Variants in KIF16B observed in about 807,000 individuals in gnomAD.
KIF16B encodes the protein kinesin family member 16B, also known as kinesin-like protein KIF16B.
KIF16B carries 98 observed loss-of-function variants against 156.3 expected under a neutral mutation model. The ratio of observed to expected loss-of-function variants is 0.63; its 90% CI spans 0.53 to 0.74. KIF16B has a LOEUF of 0.74. KIF16B is among the 30% of genes least tolerant of loss of function. KIF16B has a pLI of 0.00. For missense variants in KIF16B, 1,421 were observed against 1,606.5 expected, an observed-to-expected ratio of 0.88 and a Z score of 1.97; for synonymous variants, 564 against 583.7, an observed-to-expected ratio of 0.97 and a Z score of 0.49.
At chr20:16,273,582 T>C (rs543873969) in intron 25 of KIF16B, among the ~76,000 whole-genome samples, 171 bp from the exon 26 acceptor site, 6 of 152,120 alleles carry the variant, frequency 3.9e-5, no homozygotes, top group Non-Finnish European at 8.8e-5. Context: ...GAGGATCACT[T>C]GAGCCCAGGA....
intron 20 of KIF16B, among the ~76,000 whole-genome samples, chr20:16,372,978 G>A (rs566669017): frequency 6.6e-6 from 1 of 152,258 alleles, no homozygotes; most frequent in African/African-American, 2.4e-5. Context: ...GATTATAGGC[G>A]TCAGCCACCA....
intron 1 of KIF16B, among the ~76,000 whole-genome samples, chr20:16,543,064 G>C (rs1392896469): frequency 6.6e-6 from 1 of 152,116 alleles, no homozygotes; most frequent in East Asian, 1.9e-4. Flanking sequence ...CCCAAACCCG[G>C]ACCTACCAAG....
intron 25 of KIF16B, among the ~76,000 whole-genome samples, chr20:16,310,817 T>G (rs1480507443): frequency 6.6e-6 from 1 of 152,220 alleles, no homozygotes; most frequent in Non-Finnish European, 1.5e-5. Flanking sequence ...TCTTCAGATG[T>G]GTAACTCTGT....
intron 24 of KIF16B, among the ~76,000 whole-genome samples, chr20:16,325,876 T>A (rs1466865214): frequency 6.6e-6 from 1 of 152,146 alleles, no homozygotes; most frequent in East Asian, 1.9e-4. Context: ...TCTAGAGGTG[T>A]CACTTTACCC....
intron 1 of KIF16B, among the ~76,000 whole-genome samples, chr20:16,572,492 CT>C (rs1362839191): frequency 2.6e-5 from 4 of 152,198 alleles, no homozygotes; most frequent in African/African-American, 9.7e-5. Flanking sequence ...TAAAAAGTAA[CT>C]TTTCCAAAGA....
intron 23 of KIF16B, among the ~76,000 whole-genome samples, chr20:16,355,549 C>G (rs1368515959): frequency 6.6e-6 from 1 of 152,080 alleles, no homozygotes; most frequent in Non-Finnish European, 1.5e-5. Context: ...CACTGGTGAT[C>G]CTAGTGGACT....
chr20:16,353,299 C>T (rs916854748), intron 23 of KIF16B, among the ~76,000 whole-genome samples: 3 of 152,042 alleles, frequency 2.0e-5, no homozygotes, highest in African/African-American at 7.2e-5. Flanking sequence ...GTCCAAATGA[C>T]TGAGAGAAAA....
rs76902126 is a variant in KIF16B, at chr20:16,561,671, T to A, written c.47+11558A>T. On this transcript the variant is annotated intron_variant, in intron 1 of 25. Transcript: ENST00000354981. Reference sequence around the variant, plus strand: ...TGCAGATACCACCTTAACCACGTAATCAAGGTCAACATCACCAGTAGTAAG... The same window carrying A: ...TGCAGATACCACCTTAACCACGTAAACAAGGTCAACATCACCAGTAGTAAG... Among the ~76,000 whole-genome samples, 694 of 152,174 alleles carry A rather than the reference T, an allele frequency of 4.6e-3. 5 individuals are homozygous for A. The highest frequency in any genetic ancestry group is 0.016 in the African/African-American group (644 of 41,514).
intron 1 of KIF16B, among the ~76,000 whole-genome samples, chr20:16,568,319 A>G (rs142932842): frequency 3.3e-5 from 5 of 152,332 alleles, no homozygotes; most frequent in African/African-American, 9.6e-5. Context: ...ATAGCTATAA[A>G]GCTGGCACAT....
At chr20:16,372,946 G>A (rs886384154) in intron 20 of KIF16B, among the ~76,000 whole-genome samples, 30 of 152,264 alleles carry the variant, frequency 2.0e-4, no homozygotes, top group Admixed American at 1.9e-3. Flanking sequence ...GATCTGCCTG[G>A]CTCGGCCTCT....
rs544137349 is a variant in KIF16B, at chr20:16,403,604, C to T, written c.1784+1209G>A. ...AAATCCTGGAAAGCGGGGGTGGGGG[C>T]GCCCAGGAGTCCACAGCCACAGTGC... On this transcript the variant is annotated intron_variant, in intron 17 of 25. Coordinates refer to ENST00000354981, the MANE Select transcript of KIF16B (RefSeq NM_024704.5). 4.6e-5 allele frequency among the ~76,000 whole-genome samples: 7 copies of T among 152,242 alleles called. No individual in the cohort carries two copies. In the East Asian group the frequency reaches 9.7e-4, roughly 21 times the overall value.
chr20:16,281,159 A>C (rs1433201722), intron 25 of KIF16B, among the ~76,000 whole-genome samples: 1 of 152,162 alleles, frequency 6.6e-6, no homozygotes, highest in African/African-American at 2.4e-5. Context: ...TAAATCTATA[A>C]TTTAATTTAA....
chr20:16,382,657 T>C (rs761351334), intron 17 of KIF16B, among the ~76,000 whole-genome samples: 1 of 152,212 alleles, frequency 6.6e-6, no homozygotes, highest in African/African-American at 2.4e-5. Flanking sequence ...TCGCAAAGTT[T>C]CACTATTCTT....
At chr20:16,417,269 G>C (rs527580533) in intron 15 of KIF16B, among the ~76,000 whole-genome samples, 1 of 152,226 alleles carries the variant, frequency 6.6e-6, no homozygotes, top group South Asian at 2.1e-4. Context: ...TTTGAGAACT[G>C]AACTAAGCGA....
At chr20:16,356,567 A>T in intron 22 of KIF16B, 115 bp from the exon 23 acceptor site, 2 of 1,125,384 alleles carry the variant, frequency 1.8e-6, no homozygotes, top group East Asian at 2.5e-5. Flanking sequence ...AAGAGCATCA[A>T]ACCAGTAGGG....
At chr20:16,415,777 G>T (rs1037680683) in intron 15 of KIF16B, among the ~76,000 whole-genome samples, 1 of 151,982 alleles carries the variant, frequency 6.6e-6, no homozygotes, top group Non-Finnish European at 1.5e-5. Context: ...TTCAACTTTG[G>T]GTACATTCCC....
intron 12 of KIF16B, among the ~76,000 whole-genome samples, chr20:16,445,243 T>C (rs1177550100): frequency 6.6e-6 from 1 of 152,078 alleles, no homozygotes; most frequent in African/African-American, 2.4e-5. Context: ...TGAGCACATA[T>C]ATTTATTTGT....
At chr20:16,514,969 C>A (rs992012219) in intron 4 of KIF16B, among the ~76,000 whole-genome samples, 1 of 148,818 alleles carries the variant, frequency 6.7e-6, no homozygotes, top group African/African-American at 2.5e-5. Context: ...AAAGTTCTTG[C>A]AATAATTCCT....
At chr20:16,482,958 C>A (rs2068021042) in intron 12 of KIF16B, among the ~76,000 whole-genome samples, 1 of 152,112 alleles carries the variant, frequency 6.6e-6, no homozygotes, top group South Asian at 2.1e-4. Flanking sequence ...TCAGGGTAAC[C>A]TATCCCTTAT....
Sources: gnomAD v4.1 joint callset for allele counts (sites outside exome capture counted in the v4.1 genomes callset) on GRCh38, gnomAD v4.1.1 for gene constraint, MANE v1.5 for transcripts, NCBI Gene and HGNC (gene_info 2026-07-23, HGNC 2026-07-21) for gene names.